Variants in MIER2 observed in about 807,000 individuals in gnomAD.
The protein encoded by MIER2 is mesoderm induction early response protein 2.
MIER2 carries 30 observed loss-of-function variants against 67.6 expected under a neutral mutation model. That is an observed-to-expected ratio of 0.44 (90% confidence interval 0.33 to 0.60). The LOEUF (loss-of-function observed/expected upper bound fraction) is 0.60. Among genes scored for constraint, MIER2 ranks in the 20% least tolerant of loss-of-function variants. The pLI, the probability that MIER2 is intolerant of heterozygous loss-of-function variation, is 0.02. For synonymous variants in MIER2, 372 were observed against 312.6 expected, an observed-to-expected ratio of 1.19 and a Z score of -2.00; for missense variants, 702 against 745.1, an observed-to-expected ratio of 0.94 and a Z score of 0.67.
intron 3 of MIER2, among the ~76,000 whole-genome samples, chr19:329,316 A>G (rs1234056327): frequency 6.6e-6 from 1 of 152,148 alleles, no homozygotes; most frequent in Non-Finnish European, 1.5e-5. Flanking sequence ...TATGTCCATT[A>G]CCTTCAGGAT....
At position 324,256 on chromosome 19, in the gene MIER2, C is replaced by G. The variant is rs995088400; in HGVS notation, c.655+1379G>C. ...AATACACAAGACACACACAACCACGCAGACAACTCGAATGACACAGGTGTC... is the reference window on the plus strand; with the variant it reads ...AATACACAAGACACACACAACCACGGAGACAACTCGAATGACACAGGTGTC... On this transcript the variant is annotated intron_variant, in intron 7 of 13. Coordinates refer to ENST00000264819, the MANE Select transcript of MIER2 (RefSeq NM_017550.3). 2.2e-5 allele frequency among the ~76,000 whole-genome samples: 3 copies of G among 135,578 alleles called. 1 individual carries two copies. Among genetic ancestry groups the G allele is most frequent in the African/African-American group, 9.1e-5 (3 of 32,966 alleles). 88.9% of individuals were successfully genotyped at this position (135,578 alleles called of 152,430 possible).
chr19:307,692 G>T (rs548249709), intron 12 of MIER2, among the ~76,000 whole-genome samples, 156 bp from the exon 13 acceptor site: 2 of 152,160 alleles, frequency 1.3e-5, no homozygotes, highest in African/African-American at 2.4e-5. Context: ...ACTGAAATCC[G>T]CGAGCCCCAG....
intron 7 of MIER2, among the ~76,000 whole-genome samples, chr19:324,593 T>G (rs566151784): frequency 1.6e-5 from 2 of 123,028 alleles, no homozygotes; most frequent in South Asian, 4.8e-4. Flanking sequence ...CACAATGCAA[T>G]ACACAAGACA....
At chr19:311,819 G>A (rs1600115932) in intron 10 of MIER2, 26 bp downstream of exon 10, 1 of 1,612,476 alleles carries the variant, frequency 6.2e-7, no homozygotes, top group East Asian at 2.2e-5. Flanking sequence ...GAAGCCCCCG[G>A]TGGAGCCTGG....
intron 10 of MIER2, among the ~76,000 whole-genome samples, chr19:310,548 C>CAGAAACACGGCCCGGAGCTAT (rs1255899218): frequency 1.9e-5 from 2 of 105,622 alleles, no homozygotes; most frequent in African/African-American, 4.9e-5. Flanking sequence ...CCCGGAGCTG[C>CAGAAACACGGCCCGGAGCTAT]AGAAACACGG....
Position 308,742 on chromosome 19 carries a change from C to A in MIER2, c.1109+59G>T. On this transcript the variant is annotated intron_variant, in intron 11 of 13. Transcript: ENST00000264819. This position sits in a 1 kb window ranked among gnomAD's most constrained non-coding sequence, Gnocchi z 9.1. ...CCAAGAGGTGCCGCCCAGGCGCCCACGTGCCCACCCCCGGCGGGGTGGCCG... is the reference window on the plus strand; with the variant it reads ...CCAAGAGGTGCCGCCCAGGCGCCCAAGTGCCCACCCCCGGCGGGGTGGCCG... 2 of 1,593,110 alleles carry A rather than the reference C, an allele frequency of 1.3e-6. No homozygotes were observed. Among genetic ancestry groups the A allele is most frequent in the Non-Finnish European group, 1.7e-6 (2 of 1,166,046 alleles).
intron 10 of MIER2, among the ~76,000 whole-genome samples, chr19:310,369 C>T (rs72984416): frequency 0.13 from 19,768 of 152,258 alleles, 1,685 homozygotes; most frequent in African/African-American, 0.22. Context: ...CAAACGCACG[C>T]CACGAGGGAG....
intron 13 of MIER2, 68 bp from the exon 14 acceptor site, chr19:306,779 TG>T (rs763614445): frequency 1.3e-6 from 2 of 1,544,784 alleles, no homozygotes; most frequent in Non-Finnish European, 1.8e-6. Flanking sequence ...CACAGCCCAG[TG>T]CTGAGCGCTG....
intron 1 of MIER2, among the ~76,000 whole-genome samples, chr19:337,939 C>A (rs550399696): frequency 1.4e-5 from 2 of 147,834 alleles, no homozygotes; most frequent in African/African-American, 5.1e-5. Flanking sequence ...TTTGGGAGGC[C>A]GAGGTGGGCA....
intron 6 of MIER2, 100 bp from the exon 7 acceptor site, chr19:325,804 C>T: frequency 7.7e-7 from 1 of 1,293,866 alleles, no homozygotes; most frequent in Non-Finnish European, 1.1e-6. Context: ...GGAGGGGCCA[C>T]TGTCCAGACC....
chr19:306,494 TG>T lies in MIER2; in HGVS notation c.*195del. On this transcript the variant is annotated 3_prime_UTR_variant, in exon 14 of 14. Transcript: ENST00000264819. ...GCGCTGACGGCGCTGGGTGGGGCCG[TG>T]GGTCCATTCTGTGTGGACAGGGGCA... 1 of 731,820 alleles carries T rather than the reference TG, an allele frequency of 1.4e-6. No individual in the cohort carries two copies. The highest frequency in any genetic ancestry group is 2.2e-6 in the Non-Finnish European group (1 of 451,902). The allele number at this position is 731,820 out of a possible 1,614,324, so 45.3% of individuals were successfully genotyped here.
At chr19:336,590 T>TG (rs960660839) in intron 1 of MIER2, among the ~76,000 whole-genome samples, 2 of 151,880 alleles carry the variant, frequency 1.3e-5, no homozygotes, top group African/African-American at 4.8e-5. Flanking sequence ...ACAGACAGAA[T>TG]GGGGGCTCGT....
intron 3 of MIER2, among the ~76,000 whole-genome samples, chr19:328,498 A>G (rs965643853): frequency 6.6e-6 from 1 of 152,044 alleles, no homozygotes; most frequent in African/African-American, 2.4e-5. Context: ...CTGTAATCCC[A>G]GCATTTTGGA....
intron 1 of MIER2, among the ~76,000 whole-genome samples, chr19:338,998 C>G (rs116700303): frequency 6.0e-4 from 89 of 147,370 alleles, no homozygotes; most frequent in African/African-American, 2.2e-3. Context: ...TTGATTGAAT[C>G]TAAAAATGTG....
Position 336,041 on chromosome 19 carries a change from G to C in MIER2, c.100+42C>G, listed in dbSNP as rs768067998. On this transcript the variant is annotated intron_variant, in intron 2 of 13. Coordinates refer to ENST00000264819, the MANE Select transcript of MIER2 (RefSeq NM_017550.3). Reference sequence around the variant, plus strand: ...GCATTCTGTCTCTCACAGCCACAAAGGCCTTGGCGGACCTGAGCAGGGGAA... The same window carrying C: ...GCATTCTGTCTCTCACAGCCACAAACGCCTTGGCGGACCTGAGCAGGGGAA... 55 of 1,583,692 alleles carry C rather than the reference G, an allele frequency of 3.5e-5. No homozygotes were observed. The South Asian group carries it at 5.6e-4, about 16-fold the overall frequency.
intron 2 of MIER2, among the ~76,000 whole-genome samples, chr19:335,752 C>T (rs1043242603): frequency 2.0e-5 from 3 of 152,200 alleles, no homozygotes; most frequent in African/African-American, 4.8e-5. Flanking sequence ...AGCCCCGGCT[C>T]CCTCAGCAAG....
chr19:326,794 G>A, intron 5 of MIER2, 196 bp from the exon 6 acceptor site: 1 of 596,474 alleles, frequency 1.7e-6, no homozygotes, highest in Non-Finnish European at 3.0e-6. Flanking sequence ...TCCCTTCTAT[G>A]CAGCTGCTGC....
At chr19:344,543 G>A in intron 1 of MIER2, 1 of 307,640 alleles carries the variant, frequency 3.3e-6, no homozygotes, top group Non-Finnish European at 4.7e-6. Flanking sequence ...CATGCGCACT[G>A]CAGCCCGCGA....
intron 6 of MIER2, 74 bp from the exon 7 acceptor site, chr19:325,778 T>C (rs989502951): frequency 1.9e-4 from 290 of 1,542,010 alleles, no homozygotes; most frequent in Non-Finnish European, 2.5e-4. Flanking sequence ...TGCAGCGTGC[T>C]GTGGCAGGCT....
Sources: allele counts gnomAD v4.1 joint callset (sites outside exome capture counted in the v4.1 genomes callset), GRCh38; gene constraint gnomAD v4.1.1; non-coding constraint Gnocchi (gnomAD v3.1); transcripts MANE v1.5; gene names NCBI Gene and HGNC (gene_info 2026-07-23, HGNC 2026-07-21).